Variants in PDGFC observed in about 807,000 individuals in gnomAD.
PDGFC encodes the protein platelet derived growth factor C.
A neutral mutation model predicts 35.5 loss-of-function variants in PDGFC; 12 were observed. The ratio of observed to expected loss-of-function variants is 0.34; its 90% CI spans 0.22 to 0.55. The LOEUF (loss-of-function observed/expected upper bound fraction) is 0.55. Among genes scored for constraint, PDGFC ranks in the 20% least tolerant of loss-of-function variants. The pLI is 0.91. For missense variants in PDGFC, 322 were observed against 412.4 expected, an observed-to-expected ratio of 0.78 and a Z score of 1.90; for synonymous variants, 159 against 148.8, an observed-to-expected ratio of 1.07 and a Z score of -0.50.
chr4:156,909,523 A>T (rs1250610768), intron 1 of PDGFC, among the ~76,000 whole-genome samples: 2 of 152,244 alleles, frequency 1.3e-5, no homozygotes, highest in Non-Finnish European at 2.9e-5. Flanking sequence ...CACTCAGTGA[A>T]CTACTACTAT....
At position 156,897,843 on chromosome 4, in the gene PDGFC, A is replaced by T. The variant is rs139624542; in HGVS notation, c.119-47427T>A. 3.5e-3 allele frequency among the ~76,000 whole-genome samples: 532 copies of T among 152,358 alleles called. 4 individuals carry two copies. Among genetic ancestry groups the T allele is most frequent in the African/African-American group, 0.012 (501 of 41,578 alleles). ...TTAACTCTTCATTATAACTAAGAAC[A>T]TAAGTAACTAATGATGGTAGTAGCT... is the stretch of plus-strand genomic sequence containing the variant. On this transcript the variant is annotated intron_variant, in intron 1 of 5. Coordinates refer to ENST00000502773, the MANE Select transcript of PDGFC (RefSeq NM_016205.3).
chr4:156,944,581 A>G (rs985466393), intron 1 of PDGFC, among the ~76,000 whole-genome samples: 10 of 152,156 alleles, frequency 6.6e-5, no homozygotes, highest in Non-Finnish European at 1.3e-4. Flanking sequence ...AGTAGCTTGA[A>G]GATTTTCAAG....
chr4:156,836,701 A>T (rs762479177), intron 2 of PDGFC, among the ~76,000 whole-genome samples: 1 of 152,212 alleles, frequency 6.6e-6, no homozygotes, highest in Non-Finnish European at 1.5e-5. Context: ...GTACCTTCAC[A>T]TGTGAATCAA....
chr4:156,811,163 C>A (rs1731923198), intron 2 of PDGFC, 146 bp from the exon 3 acceptor site: 2 of 467,960 alleles, frequency 4.3e-6, no homozygotes, highest in South Asian at 6.4e-5. Flanking sequence ...ATTAAGAATT[C>A]TAAAGAAGAG....
chr4:156,917,384 T>A (rs1731177584), intron 1 of PDGFC, among the ~76,000 whole-genome samples: 1 of 152,232 alleles, frequency 6.6e-6, no homozygotes, highest in Non-Finnish European at 1.5e-5. Context: ...ACTTCTGAGA[T>A]AAGGCAGATG....
At chr4:156,924,246 T>C (rs1731354824) in intron 1 of PDGFC, among the ~76,000 whole-genome samples, 1 of 152,336 alleles carries the variant, frequency 6.6e-6, no homozygotes, top group East Asian at 1.9e-4. Flanking sequence ...AGTTTCAACC[T>C]ACAATTTGTA....
Position 156,761,102 on chromosome 4 carries a change from G to A in PDGFC, c.*1988C>T, listed in dbSNP as rs1730364718. On this transcript the variant is annotated 3_prime_UTR_variant, in exon 6 of 6. Transcript: ENST00000502773. ...AGGGTGCTTGCCTGAAGAGCAGTCT[G>A]AAGACAGAAGGCCCTGGACACTAGA... is the stretch of plus-strand genomic sequence containing the variant. The A allele has an allele frequency of 6.6e-6, 1 of 152,212 alleles. No homozygotes were observed. The highest frequency in any genetic ancestry group is 2.1e-4 in the South Asian group (1 of 4,834). 9.4% of individuals were successfully genotyped at this position (152,212 alleles called of 1,614,324 possible). A position where few individuals can be genotyped will look rare whatever the true frequency, so the allele number is the denominator to read the frequency against.
chr4:156,831,786 T>C lies in PDGFC; in HGVS notation c.314+18435A>G, dbSNP rs532637945. Among the ~76,000 whole-genome samples the C allele has an allele frequency of 9.9e-5, 15 of 152,244 alleles. No individual in the cohort carries two copies. The East Asian group carries it at 2.5e-3, about 25-fold the overall frequency. ...AGAAAAAAAAATGTAACTGGCTTTT[T>C]AAAAACAAGGACACTAGACTGTATT... On this transcript the variant is annotated intron_variant, in intron 2 of 5. Coordinates refer to ENST00000502773, the MANE Select transcript of PDGFC (RefSeq NM_016205.3).
chr4:156,809,072 A>T (rs1731853145), intron 3 of PDGFC, among the ~76,000 whole-genome samples: 1 of 151,972 alleles, frequency 6.6e-6, no homozygotes, highest in South Asian at 2.1e-4. Context: ...TAATTACAAG[A>T]ACTCCTATGC....
At chr4:156,876,482 G>A (rs1264413646) in intron 1 of PDGFC, 1 of 152,072 alleles carries the variant, frequency 6.6e-6, no homozygotes, top group Non-Finnish European at 1.5e-5. Flanking sequence ...CTCTGAAACA[G>A]GTACTATTTA....
At position 156,970,915 on chromosome 4, in the gene PDGFC, G is replaced by A. The variant is rs540338139; in HGVS notation, c.-12C>T. 5.7e-6 allele frequency: 9 copies of A among 1,571,034 alleles called. No homozygotes were observed. In the South Asian group the frequency reaches 8.9e-5, roughly 15 times the overall value. On this transcript the variant is annotated 5_prime_UTR_variant, in exon 1 of 6. Transcript: ENST00000502773. ...CCGAAGAGGCTCATTTGGCTGACTGGGGTGAGAGCTCACTCACGGCGGGCA... is the reference window on the plus strand; with the variant it reads ...CCGAAGAGGCTCATTTGGCTGACTGAGGTGAGAGCTCACTCACGGCGGGCA...
chr4:156,819,733 G>A (rs1034349463), intron 2 of PDGFC, among the ~76,000 whole-genome samples: 4 of 152,188 alleles, frequency 2.6e-5, no homozygotes, highest in African/African-American at 7.2e-5. Context: ...GGGCCAAGGA[G>A]TAATTCTGAG....
chr4:156,886,023 C>T (rs1730368104), intron 1 of PDGFC, among the ~76,000 whole-genome samples: 1 of 152,062 alleles, frequency 6.6e-6, no homozygotes, highest in East Asian at 1.9e-4. Flanking sequence ...GTTCACAGCT[C>T]CTGCAGTGAA....
intron 2 of PDGFC, among the ~76,000 whole-genome samples, chr4:156,825,593 T>TAATAATAATAATAAG (rs1267062505): frequency 1.6e-5 from 1 of 62,186 alleles, no homozygotes; most frequent in African/African-American, 7.9e-5. Context: ...ATAATAATAA[T>TAATAATAATAATAAG]AAGAAGAAGA....
intron 1 of PDGFC, among the ~76,000 whole-genome samples, chr4:156,890,086 T>C (rs342310): frequency 0.011 from 1,661 of 152,196 alleles, 30 homozygotes; most frequent in African/African-American, 0.038. Context: ...TGTTAGTTCA[T>C]GAGGTTACAG....
rs2110771506 is a variant in PDGFC at position 156,761,022 on chromosome 4, T to G, written c.*2068A>C. ...AACACATAGGCTCATTTTGTTTCTTTGTTTTCCACATAGTTGGAGGCAGGG... is the reference window on the plus strand; with the variant it reads ...AACACATAGGCTCATTTTGTTTCTTGGTTTTCCACATAGTTGGAGGCAGGG... On this transcript the variant is annotated 3_prime_UTR_variant, in exon 6 of 6. Coordinates refer to ENST00000502773, the MANE Select transcript of PDGFC (RefSeq NM_016205.3). The G allele has an allele frequency of 6.6e-6, 1 of 152,342 alleles. No homozygotes were observed. The highest frequency in any genetic ancestry group is 1.9e-4 in the East Asian group (1 of 5,180). The allele number at this position is 152,342 out of a possible 1,614,324, so 9.4% of individuals were successfully genotyped here.
intron 1 of PDGFC, among the ~76,000 whole-genome samples, chr4:156,969,530 T>C (rs1412490032): frequency 1.3e-5 from 2 of 152,216 alleles, no homozygotes; most frequent in African/African-American, 4.8e-5. Flanking sequence ...TTTATCTACT[T>C]TTATACCCTA....
intron 3 of PDGFC, among the ~76,000 whole-genome samples, 174 bp from the exon 4 acceptor site, chr4:156,773,067 G>C (rs1480035455): frequency 6.6e-6 from 1 of 152,170 alleles, no homozygotes; most frequent in African/African-American, 2.4e-5. Flanking sequence ...AACTCTGATA[G>C]ATTTCCTGTA....
chr4:156,914,215 C>T (rs1032629367), intron 1 of PDGFC, among the ~76,000 whole-genome samples: 3 of 152,134 alleles, frequency 2.0e-5, no homozygotes, highest in African/African-American at 7.2e-5. Flanking sequence ...CTCAAAAACT[C>T]TCTCAGTTGT....
Sources: allele counts gnomAD v4.1 joint callset (sites outside exome capture counted in the v4.1 genomes callset), GRCh38; gene constraint gnomAD v4.1.1; transcripts MANE v1.5; gene names NCBI Gene and HGNC (gene_info 2026-07-23, HGNC 2026-07-21).